MIR2052HG: variants seen among roughly 807,000 people sequenced by gnomAD.
MIR2052HG encodes the protein MIR2052 host gene.
intron 2 of MIR2052HG, among the ~76,000 whole-genome samples, chr8:74,633,884 A>G (rs1808550266): frequency 6.6e-6 from 1 of 152,202 alleles, no homozygotes; most frequent in Non-Finnish European, 1.5e-5. Context: ...TAAACTTAAG[A>G]ATGGTTTGTA....
intron 2 of MIR2052HG, among the ~76,000 whole-genome samples, chr8:74,688,794 T>C (rs912340302): frequency 1.3e-5 from 2 of 152,146 alleles, no homozygotes; most frequent in Non-Finnish European, 2.9e-5. Context: ...ATTTGTCGCC[T>C]TTTATCCCTC....
chr8:74,647,986 T>G (rs1448804156), intron 2 of MIR2052HG, among the ~76,000 whole-genome samples: 2 of 152,106 alleles, frequency 1.3e-5, no homozygotes, highest in Non-Finnish European at 2.9e-5. Flanking sequence ...TTGTAAAATA[T>G]GTGTGTTTGA....
At chr8:74,600,974 A>G (rs1807992439) in intron 1 of MIR2052HG, among the ~76,000 whole-genome samples, 1 of 152,178 alleles carries the variant, frequency 6.6e-6, no homozygotes, top group Non-Finnish European at 1.5e-5. Flanking sequence ...TTTCCACAAT[A>G]TTCTTTGCTG....
chr8:74,628,708 A>G (rs1808469061), intron 2 of MIR2052HG: 1 of 152,200 alleles, frequency 6.6e-6, no homozygotes, highest in Non-Finnish European at 1.5e-5. Context: ...CTAGGAGTTC[A>G]GTAGTAGGAT....
chr8:74,693,715 T>C (rs1809266576), intron 2 of MIR2052HG, among the ~76,000 whole-genome samples: 1 of 151,962 alleles, frequency 6.6e-6, no homozygotes, highest in African/African-American at 2.4e-5. Flanking sequence ...CCTGGCAACC[T>C]GTATGACACA....
intron 2 of MIR2052HG, among the ~76,000 whole-genome samples, chr8:74,658,512 T>A (rs1042509626): frequency 6.6e-6 from 1 of 152,022 alleles, no homozygotes; most frequent in Non-Finnish European, 1.5e-5. Context: ...TGCCTCAGCC[T>A]CCAGAGTAGC....
intron 2 of MIR2052HG, among the ~76,000 whole-genome samples, chr8:74,676,801 C>A (rs1809057906): frequency 6.6e-6 from 1 of 151,854 alleles, no homozygotes; most frequent in Non-Finnish European, 1.5e-5. Flanking sequence ...AGTGTACTTA[C>A]AACACACACA....
chr8:74,650,698 A>T (rs974851224), intron 2 of MIR2052HG, among the ~76,000 whole-genome samples: 1 of 152,118 alleles, frequency 6.6e-6, no homozygotes, highest in Admixed American at 6.5e-5. Context: ...GCCCTCATCA[A>T]TAGTACCTGT....
chr8:74,662,561 T>A (rs7010580), intron 2 of MIR2052HG, among the ~76,000 whole-genome samples: 1 of 152,222 alleles, frequency 6.6e-6, no homozygotes, highest in Non-Finnish European at 1.5e-5. Context: ...ATTCTGCATA[T>A]GTATCCCAGA....
chr8:74,679,703 T>C (rs1809099019), intron 2 of MIR2052HG, among the ~76,000 whole-genome samples: 1 of 151,760 alleles, frequency 6.6e-6, no homozygotes, highest in African/African-American at 2.4e-5. Context: ...TTTTGTTTTG[T>C]TTTGTTTTGT....
chr8:74,656,899 A>T (rs907140712), intron 2 of MIR2052HG, among the ~76,000 whole-genome samples: 1 of 152,224 alleles, frequency 6.6e-6, no homozygotes. Flanking sequence ...AGTCAGTACT[A>T]AACACCTGAT....
chr8:74,725,828 A>T (rs1024554031), intron 4 of MIR2052HG, among the ~76,000 whole-genome samples: 9 of 152,110 alleles, frequency 5.9e-5, no homozygotes, highest in African/African-American at 2.2e-4. Flanking sequence ...TGCTAGTTTA[A>T]CTCAGAGTCG....
At chr8:74,618,378 C>T (rs1025956625) in intron 2 of MIR2052HG, among the ~76,000 whole-genome samples, 21 of 152,208 alleles carry the variant, frequency 1.4e-4, no homozygotes, top group African/African-American at 5.1e-4. Context: ...GTTTTGTTCA[C>T]TGTTCTATTC....
At chr8:74,603,953 C>A in intron 1 of MIR2052HG, 1 of 1,002,056 alleles carries the variant, frequency 1.0e-6, no homozygotes, top group East Asian at 2.4e-5. Flanking sequence ...CTCAGGGTGA[C>A]TGGGGGTCTA....
intron 2 of MIR2052HG, among the ~76,000 whole-genome samples, chr8:74,620,243 C>G (rs181963684): frequency 2.0e-5 from 3 of 152,356 alleles, no homozygotes; most frequent in Non-Finnish European, 2.9e-5. Flanking sequence ...GCTGCTTTCA[C>G]TGCTGGCATT....
intron 4 of MIR2052HG, among the ~76,000 whole-genome samples, chr8:74,741,769 A>T (rs1264863984): frequency 6.6e-6 from 1 of 152,184 alleles, no homozygotes; most frequent in Admixed American, 6.6e-5. Context: ...GCACTTAGGA[A>T]CACTAAGCAC....
chr8:74,747,368 A>G (rs140296908), intron 4 of MIR2052HG, among the ~76,000 whole-genome samples: 54 of 152,332 alleles, frequency 3.5e-4, no homozygotes, highest in African/African-American at 1.2e-3. Flanking sequence ...GCATAATTCT[A>G]TAAGATCCTC....
At chr8:74,666,914 G>C (rs1219158836) in intron 2 of MIR2052HG, among the ~76,000 whole-genome samples, 1 of 152,170 alleles carries the variant, frequency 6.6e-6, no homozygotes, top group Non-Finnish European at 1.5e-5. Context: ...ATCAGTTGGA[G>C]TTTGGCATCC....
chr8:74,750,538 A>G (rs1383746655), intron 4 of MIR2052HG, among the ~76,000 whole-genome samples: 1 of 151,788 alleles, frequency 6.6e-6, no homozygotes, highest in Non-Finnish European at 1.5e-5. Context: ...ATAATGTCAA[A>G]TATTAAACAA....
Sources: gnomAD v4.1 joint callset for allele counts (sites outside exome capture counted in the v4.1 genomes callset) on GRCh38, gnomAD v4.1.1 for gene constraint, MANE v1.5 for transcripts, NCBI Gene and HGNC (gene_info 2026-07-23, HGNC 2026-07-21) for gene names.